TRIQK: variants seen among roughly 807,000 people sequenced by gnomAD.
TRIQK encodes the protein triple QxxK/R motif-containing protein.
TRIQK carries 10 observed loss-of-function variants against 10.8 expected under a neutral mutation model. The ratio of observed to expected loss-of-function variants is 0.92; its 90% CI spans 0.57 to 1.57. The LOEUF (loss-of-function observed/expected upper bound fraction) is 1.57, where lower values mean the gene tolerates loss of function less well. TRIQK is among the 40% of genes most tolerant of loss of function. TRIQK has a pLI of 0.00. For synonymous variants in TRIQK, 33 were observed against 33.7 expected (o/e 0.98, Z 0.07); for missense variants, 107 against 97.7 (o/e 1.09, Z -0.40).
At position 92,937,332 on chromosome 8, in the gene TRIQK, C is replaced by T. The variant is rs1486382808; in HGVS notation, c.-22+17074G>A. 2.0e-5 allele frequency among the ~76,000 whole-genome samples: 3 copies of T among 151,442 alleles called. No homozygotes were observed. In the South Asian group the frequency reaches 6.2e-4, roughly 31 times the overall value. ...CACACACATGCACCCAAATGATAAA[C>T]GCCAAATTCTGTGGTTATATAGCAG... On this transcript the variant is annotated intron_variant, in intron 2 of 4. Coordinates refer to ENST00000521988, the MANE Select transcript of TRIQK (RefSeq NM_001171797.2).
At chr8:93,005,581 G>A (rs72660407) in intron 1 of TRIQK, among the ~76,000 whole-genome samples, 4,822 of 152,184 alleles carry the variant, frequency 0.032, 120 homozygotes, top group South Asian at 0.049. Flanking sequence ...AATAGACATA[G>A]ATAAAGCATT....
intron 1 of TRIQK, among the ~76,000 whole-genome samples, chr8:92,959,121 C>T (rs568610891): frequency 6.6e-6 from 1 of 151,958 alleles, no homozygotes; most frequent in South Asian, 2.1e-4. Flanking sequence ...ATAATTTCCC[C>T]ATGTCCACAT....
At chr8:92,912,678 A>G (rs746857434) in intron 3 of TRIQK, among the ~76,000 whole-genome samples, 8 of 152,034 alleles carry the variant, frequency 5.3e-5, no homozygotes, top group Non-Finnish European at 1.2e-4. Flanking sequence ...AATGAAAAAG[A>G]TCATAAGGGG....
intron 1 of TRIQK, among the ~76,000 whole-genome samples, chr8:92,959,624 C>T (rs1812349517): frequency 6.6e-6 from 1 of 151,962 alleles, no homozygotes; most frequent in Admixed American, 6.6e-5. Context: ...TTCCTTTATA[C>T]ACATGCTCCT....
At chr8:93,007,523 G>A (rs1050217244) in intron 1 of TRIQK, among the ~76,000 whole-genome samples, 1 of 152,206 alleles carries the variant, frequency 6.6e-6, no homozygotes, top group Non-Finnish European at 1.5e-5. Context: ...CTGGGCCGAG[G>A]CTGAGATGGA....
At chr8:92,916,549 G>T (rs1368740084) in intron 3 of TRIQK, among the ~76,000 whole-genome samples, 1 of 151,912 alleles carries the variant, frequency 6.6e-6, no homozygotes, top group Non-Finnish European at 1.5e-5. Flanking sequence ...GGAGAATTTT[G>T]AAGTTATCAA....
At chr8:92,922,053 A>C (rs566141699) in intron 2 of TRIQK, among the ~76,000 whole-genome samples, 7 of 151,862 alleles carry the variant, frequency 4.6e-5, no homozygotes, top group Non-Finnish European at 8.9e-5. Context: ...ATATCTAGGA[A>C]TATTCAAATT....
At chr8:92,895,605 G>A (rs1006530857) in intron 3 of TRIQK, among the ~76,000 whole-genome samples, 3 of 152,160 alleles carry the variant, frequency 2.0e-5, no homozygotes, top group African/African-American at 7.2e-5. Flanking sequence ...AGGCCATTTT[G>A]ATGAGGTCTC....
intron 1 of TRIQK, among the ~76,000 whole-genome samples, chr8:93,015,527 C>T (rs1309934857): frequency 6.7e-6 from 1 of 149,160 alleles, no homozygotes; most frequent in Non-Finnish European, 1.5e-5. Context: ...CTAGGAATGA[C>T]ACACACACAC....
At chr8:92,996,026 A>G (rs1303609967) in intron 1 of TRIQK, among the ~76,000 whole-genome samples, 1 of 151,984 alleles carries the variant, frequency 6.6e-6, no homozygotes, top group Non-Finnish European at 1.5e-5. Flanking sequence ...GACGGAGGCC[A>G]CTCTGATCTT....
At chr8:92,923,217 T>G (rs1810274118) in intron 2 of TRIQK, among the ~76,000 whole-genome samples, 1 of 151,762 alleles carries the variant, frequency 6.6e-6, no homozygotes, top group Non-Finnish European at 1.5e-5. Context: ...CATCATTCAT[T>G]TCTATTGCTT....
intron 2 of TRIQK, among the ~76,000 whole-genome samples, chr8:92,946,007 T>C (rs1243912551): frequency 6.6e-6 from 1 of 151,690 alleles, no homozygotes; most frequent in Non-Finnish European, 1.5e-5. Flanking sequence ...AAACGGAAAA[T>C]TAGAAAGTGG....
intron 3 of TRIQK, among the ~76,000 whole-genome samples, chr8:92,897,577 C>A (rs1808676764): frequency 6.6e-6 from 1 of 152,112 alleles, no homozygotes; most frequent in African/African-American, 2.4e-5. Context: ...TATTCTTCCC[C>A]ATTAGGATGA....
intron 1 of TRIQK, among the ~76,000 whole-genome samples, chr8:92,995,024 C>T (rs1037268813): frequency 2.6e-5 from 4 of 151,892 alleles, no homozygotes; most frequent in Admixed American, 6.6e-5. Flanking sequence ...ATTTATTGCT[C>T]ATTGTATTTT....
chr8:92,980,035 C>T (rs1812970777), intron 1 of TRIQK, among the ~76,000 whole-genome samples: 3 of 151,978 alleles, frequency 2.0e-5, no homozygotes, highest in Non-Finnish European at 4.4e-5. Flanking sequence ...AATATCAACT[C>T]AAATTAGAAA....
intron 2 of TRIQK, among the ~76,000 whole-genome samples, chr8:92,924,950 T>C (rs937529279): frequency 6.6e-6 from 1 of 152,026 alleles, no homozygotes; most frequent in Non-Finnish European, 1.5e-5. Context: ...CTTTATAGCC[T>C]CAGAAAAAGT....
intron 3 of TRIQK, among the ~76,000 whole-genome samples, chr8:92,895,017 T>C (rs562063275): frequency 1.3e-4 from 20 of 152,302 alleles, no homozygotes; most frequent in Non-Finnish European, 1.9e-4. Flanking sequence ...GTGGGATCTG[T>C]AAGAGGAGAG....
At chr8:92,959,805 T>C (rs1477125567) in intron 1 of TRIQK, among the ~76,000 whole-genome samples, 2 of 152,076 alleles carry the variant, frequency 1.3e-5, no homozygotes, top group African/African-American at 4.8e-5. Flanking sequence ...AAACCATAAG[T>C]CAAACCATTG....
intron 2 of TRIQK, among the ~76,000 whole-genome samples, chr8:92,952,519 GAA>G (rs1352273981): frequency 6.6e-6 from 1 of 151,334 alleles, no homozygotes; most frequent in African/African-American, 2.4e-5. Flanking sequence ...AGAAGATGAA[GAA>G]AAAGAGATAA....
Sources: allele counts gnomAD v4.1 joint callset (sites outside exome capture counted in the v4.1 genomes callset), GRCh38; gene constraint gnomAD v4.1.1; transcripts MANE v1.5; gene names NCBI Gene and HGNC (gene_info 2026-07-23, HGNC 2026-07-21).